The following NPTX2 variants were observed in gnomAD, a reference collection of about 807,000 sequenced individuals.
NPTX2 encodes the protein neuronal pentraxin-2.
Under a neutral mutation model 38.1 loss-of-function variants are expected in NPTX2, and 23 were observed. That is an observed-to-expected ratio of 0.60 (90% CI 0.43 to 0.85). The LOEUF (loss-of-function observed/expected upper bound fraction) is 0.85, where lower values mean the gene tolerates loss of function less well. Ranked by LOEUF, NPTX2 falls within the 40% of genes least tolerant of loss-of-function variation. NPTX2 has a pLI of 0.00. For missense variants in NPTX2, 553 were observed against 615.3 expected, an observed-to-expected ratio of 0.90 and a Z score of 1.07; for synonymous variants, 291 against 287.3, an observed-to-expected ratio of 1.01 and a Z score of -0.13.
At position 98,627,161 on chromosome 7, in the gene NPTX2, A is replaced by G. The variant is rs1791363975; in HGVS notation, c.889-4A>G. 2 of 1,610,976 alleles carry G rather than the reference A, an allele frequency of 1.2e-6. No individual in the cohort carries two copies. Among genetic ancestry groups the G allele is most frequent in the Admixed American group, 3.3e-5 (2 of 59,986 alleles). ...GGTCCTTACCTGCACATTGCTGCTCACAGGTTGCGCAGCTGCCCCTGTTTG... is the reference window on the plus strand; with the variant it reads ...GGTCCTTACCTGCACATTGCTGCTCGCAGGTTGCGCAGCTGCCCCTGTTTG... On this transcript the variant is annotated splice_region_variant and splice_polypyrimidine_tract_variant and intron_variant, in intron 3 of 4. Transcript: ENST00000265634.
intron 2 of NPTX2, among the ~76,000 whole-genome samples, chr7:98,620,334 C>G (rs1791252216): frequency 6.6e-6 from 1 of 152,122 alleles, no homozygotes; most frequent in South Asian, 2.1e-4. Context: ...ATGCACTAAG[C>G]TGATGAAGCC....
In NPTX2 at chr7:98,617,628, A is replaced by T; in HGVS notation, c.167A>T (p.Glu56Val). ...ATGCAGGGCGGCGCGCAGAGTCCCG[A>T]GGAGGAGCTGAGGGCCGCGGTGCTG... ...MPMQGGAQSP[E>V]EELRAAVLQL... The change falls in exon 1 of 5, where the codon GAG (glutamate) becomes GTG (valine). Residue 56 changes from glutamate (E) to valine (V), a missense_variant. Coordinates refer to ENST00000265634, the MANE Select transcript of NPTX2 (RefSeq NM_002523.3). The T allele has an allele frequency of 6.7e-7, 1 of 1,491,068 alleles. No homozygotes were observed. Among genetic ancestry groups the T allele is most frequent in the Non-Finnish European group, 8.9e-7 (1 of 1,128,774 alleles). 92.4% of individuals were successfully genotyped at this position (1,491,068 alleles called of 1,614,324 possible). A position where few individuals can be genotyped will look rare whatever the true frequency, so the allele number is the denominator to read the frequency against.
rs1173940804 is a variant in NPTX2 at position 98,619,776 on chromosome 7, T to G, written c.560T>G (p.Leu187Arg). The G allele has an allele frequency of 1.2e-6, 2 of 1,613,652 alleles. No homozygotes were observed. The highest frequency in any genetic ancestry group is 1.7e-6 in the Non-Finnish European group (2 of 1,180,040). ...GAGCTGGAGGACGAGAAGTCCCTGCTGCACAATGAGACCTCGGCTCACCGG... is the reference window on the plus strand; with the variant it reads ...GAGCTGGAGGACGAGAAGTCCCTGCGGCACAATGAGACCTCGGCTCACCGG... ...VAELEDEKSL[L>R]HNETSAHRQK... Residue 187 changes from leucine to arginine, a missense_variant, in exon 2 of 5, where the codon CTG (leucine) becomes CGG (arginine). By Grantham distance (102) the Leu-to-Arg change is moderately radical. Transcript: ENST00000265634.
chr7:98,626,743 G>T (rs538971527), intron 3 of NPTX2, among the ~76,000 whole-genome samples: 2 of 151,570 alleles, frequency 1.3e-5, no homozygotes, highest in Non-Finnish European at 2.9e-5. Context: ...GTGCCGCTGC[G>T]CAGGGAGGAC....
Position 98,619,682 on chromosome 7 carries a change from G to C in NPTX2, c.466G>C (p.Gly156Arg), listed in dbSNP as rs764729364. Residue 156 changes from glycine (G) to arginine (R), a missense_variant, in exon 2 of 5, where the codon GGC becomes CGC. Physicochemically the swap from Gly to Arg is moderately radical, Grantham distance 125 (BLOSUM62 -2). Coordinates refer to ENST00000265634, the MANE Select transcript of NPTX2 (RefSeq NM_002523.3). The stretch of plus-strand genomic sequence containing the variant: ...AAACGTGTCCAATGCTGGGCTGCCC[G>C]GCGACTTCCGCGAGGTGCTCCAGCA... ...RANVSNAGLP[G>R]DFREVLQQRL... 6.2e-7 allele frequency: 1 copy of C among 1,613,394 alleles called. No homozygotes were observed. Among genetic ancestry groups the C allele is most frequent in the South Asian group, 1.1e-5 (1 of 91,066 alleles).
intron 2 of NPTX2, among the ~76,000 whole-genome samples, chr7:98,622,840 G>A (rs568076984): frequency 2.6e-5 from 4 of 152,330 alleles, no homozygotes; most frequent in Middle Eastern, 3.4e-3. Flanking sequence ...ACCATTGGCA[G>A]ATATGAGTAC....
At chr7:98,625,203 C>T (rs1210381188) in intron 3 of NPTX2, 37 bp downstream of exon 3, 2 of 1,550,956 alleles carry the variant, frequency 1.3e-6, no homozygotes, top group Non-Finnish European at 1.7e-6. Context: ...CCCCAGAACC[C>T]ATCATGTGGT....
Position 98,628,674 on chromosome 7 carries a change from TG to T in NPTX2, c.*47del. On this transcript the variant is annotated 3_prime_UTR_variant, in exon 5 of 5. Coordinates refer to ENST00000265634, the MANE Select transcript of NPTX2 (RefSeq NM_002523.3). The stretch of plus-strand genomic sequence containing the variant: ...GGAGGCCGGGATCAGGCTGTTGCCA[TG>T]GAAGTTCAGGGCCATAGACTGCCCC... 2.1e-6 allele frequency: 2 copies of T among 972,672 alleles called. No individual in the cohort carries two copies. Among genetic ancestry groups the T allele is most frequent in the Non-Finnish European group, 3.1e-6 (2 of 650,374 alleles). 60.3% of individuals were successfully genotyped at this position (972,672 alleles called of 1,614,324 possible).
intron 3 of NPTX2, among the ~76,000 whole-genome samples, chr7:98,626,754 G>A (rs910072040): frequency 2.0e-5 from 3 of 149,722 alleles, no homozygotes; most frequent in Non-Finnish European, 4.4e-5. Context: ...CAGGGAGGAC[G>A]GGGCACACCC....
intron 2 of NPTX2, among the ~76,000 whole-genome samples, chr7:98,623,019 T>C (rs937088314): frequency 6.6e-6 from 1 of 151,986 alleles, no homozygotes; most frequent in Non-Finnish European, 1.5e-5. Flanking sequence ...TGAGGGACAA[T>C]GAGTTTGGGG....
rs958979716 is a variant in NPTX2 at position 98,617,305 on chromosome 7, G to T, written c.-157G>T. On this transcript the variant is annotated 5_prime_UTR_variant, in exon 1 of 5. Transcript: ENST00000265634. ...AGGCCAGAGTGCCGAGCAGCGCGGT[G>T]GGTGCGGCTGTGAGACGGCAGGAGA... The T allele has an allele frequency of 3.9e-5, 11 of 280,928 alleles. No homozygotes were observed. In the East Asian group the frequency reaches 7.2e-4, roughly 18 times the overall value. 17.4% of individuals were successfully genotyped at this position (280,928 alleles called of 1,614,324 possible).
At chr7:98,626,727 A>T (rs1035212200) in intron 3 of NPTX2, among the ~76,000 whole-genome samples, 4 of 149,078 alleles carry the variant, frequency 2.7e-5, no homozygotes, top group African/African-American at 5.2e-5. Context: ...ACAGATACTC[A>T]CACACGTGCC....
intron 3 of NPTX2, 23 bp downstream of exon 3, chr7:98,625,189 C>CCCTCCCCAGAA: frequency 4.5e-6 from 7 of 1,565,570 alleles, no homozygotes; most frequent in Non-Finnish European, 6.1e-6. Context: ...TGCACCGCCA[C>CCCTCCCCAGAA]CCTCCCCAGA....
At chr7:98,622,293 G>A (rs1250265026) in intron 2 of NPTX2, among the ~76,000 whole-genome samples, 1 of 152,154 alleles carries the variant, frequency 6.6e-6, no homozygotes, top group Admixed American at 6.5e-5. Flanking sequence ...AAAAGACACT[G>A]GCTCTCAGGG....
chr7:98,628,628 A>G lies in NPTX2; in HGVS notation c.1295A>G (p.Ter432TrpextTer21). ...TGTGAGGAGCGTCTCCTTGACTTGT[A>G]GCCGCCTTCTCCTCTGTCCAGGAGG... ...ETCEERLLDL[*>W] The change falls in exon 5 of 5, where the codon TAG becomes TGG. Residue 432 changes from the stop codon to tryptophan (W), a stop_lost. Transcript: ENST00000265634. The G allele has an allele frequency of 6.8e-7, 1 of 1,477,520 alleles. No individual in the cohort carries two copies. Among genetic ancestry groups the G allele is most frequent in the Middle Eastern group, 1.8e-4 (1 of 5,714 alleles). 91.5% of individuals were successfully genotyped at this position (1,477,520 alleles called of 1,614,324 possible).
chr7:98,628,773 G>A lies in NPTX2; in HGVS notation c.*144G>A. Reference sequence around the variant, plus strand: ...CCAGGAATCTCTAAGACCAGGGCTGGGGCAGTGTCTGTCACTGGCTTGTTT... The same window carrying A: ...CCAGGAATCTCTAAGACCAGGGCTGAGGCAGTGTCTGTCACTGGCTTGTTT... On this transcript the variant is annotated 3_prime_UTR_variant, in exon 5 of 5. Transcript: ENST00000265634. 1.9e-6 allele frequency: 1 copy of A among 520,166 alleles called. No individual in the cohort carries two copies. The highest frequency in any genetic ancestry group is 3.4e-6 in the Non-Finnish European group (1 of 292,308). The allele number at this position is 520,166 out of a possible 1,614,324, so 32.2% of individuals were successfully genotyped here.
intron 3 of NPTX2, among the ~76,000 whole-genome samples, chr7:98,625,701 C>G (rs1219871900): frequency 6.6e-6 from 1 of 152,114 alleles, no homozygotes; most frequent in East Asian, 1.9e-4. Flanking sequence ...TTCCATCACC[C>G]CCCAAAACCC....
rs1277818830 is a variant in NPTX2 at position 98,617,632 on chromosome 7, G to A, written c.171G>A (p.Glu57=). 4 of 1,490,598 alleles carry A rather than the reference G, an allele frequency of 2.7e-6. No individual in the cohort carries two copies. The highest frequency in any genetic ancestry group is 1.5e-5 in the African/African-American group (1 of 68,504). 92.3% of individuals were successfully genotyped at this position (1,490,598 alleles called of 1,614,324 possible). A position where few individuals can be genotyped will look rare whatever the true frequency, so the allele number is the denominator to read the frequency against. The change falls in exon 1 of 5, where the codon GAG becomes GAA. Residue 57 remains glutamate (E), a synonymous_variant. Coordinates refer to ENST00000265634, the MANE Select transcript of NPTX2 (RefSeq NM_002523.3). ...PMQGGAQSPE[E]ELRAAVLQLR... is the part of the protein sequence containing the mutation. ...AGGGCGGCGCGCAGAGTCCCGAGGA[G>A]GAGCTGAGGGCCGCGGTGCTGCAGC...
chr7:98,618,572 CCCCCT>C (rs1160468948), intron 1 of NPTX2, among the ~76,000 whole-genome samples: 169 of 58,680 alleles, frequency 2.9e-3, no homozygotes, highest in South Asian at 0.011. Flanking sequence ...CTCTCTCTCC[CCCCCT>C]CCCCCCCTCC....
Sources: allele counts gnomAD v4.1 joint callset (sites outside exome capture counted in the v4.1 genomes callset), GRCh38; gene constraint gnomAD v4.1.1; transcripts MANE v1.5; gene names NCBI Gene and HGNC (gene_info 2026-07-23, HGNC 2026-07-21).